LRRC8B: variants seen among roughly 807,000 people sequenced by gnomAD.
LRRC8B encodes volume-regulated anion channel subunit LRRC8B.
In LRRC8B, 23 loss-of-function variants were observed where a neutral mutation model predicts 58.8. The observed-to-expected ratio is 0.39, with a 90% CI of 0.28 to 0.55. The LOEUF (loss-of-function observed/expected upper bound fraction) is 0.55, where lower values mean the gene tolerates loss of function less well. Among genes scored for constraint, LRRC8B ranks in the 20% least tolerant of loss-of-function variants. The probability of loss-of-function intolerance (pLI) is 0.62; values close to 1 mark genes in which losing one functional copy is unlikely to be tolerated. For synonymous variants in LRRC8B, 359 were observed against 374.1 expected (o/e 0.96, Z 0.47); for missense variants, 694 against 936.0 (o/e 0.74, Z 3.37).
intron 1 of LRRC8B, among the ~76,000 whole-genome samples, chr1:89,543,671 T>C (rs1470223707): frequency 6.6e-6 from 1 of 151,538 alleles, no homozygotes; most frequent in Non-Finnish European, 1.5e-5. Flanking sequence ...AATTTTTTTT[T>C]TTTTAGTAGA....
chr1:89,538,726 T>A (rs1429144352), intron 1 of LRRC8B, among the ~76,000 whole-genome samples: 2 of 151,782 alleles, frequency 1.3e-5, no homozygotes, highest in Non-Finnish European at 2.9e-5. Context: ...TTTTTGTTTG[T>A]TTGTTTGTTT....
At chr1:89,586,583 T>C (rs1398513177) in intron 5 of LRRC8B, among the ~76,000 whole-genome samples, 1 of 152,226 alleles carries the variant, frequency 6.6e-6, no homozygotes, top group Non-Finnish European at 1.5e-5. Context: ...TTAGTACTTT[T>C]GACACCAAGT....
At chr1:89,533,238 C>T (rs1650272399) in intron 1 of LRRC8B, among the ~76,000 whole-genome samples, 1 of 152,216 alleles carries the variant, frequency 6.6e-6, no homozygotes, top group South Asian at 2.1e-4. Flanking sequence ...TAATGGCTCC[C>T]TATGCCCCAG....
intron 1 of LRRC8B, among the ~76,000 whole-genome samples, chr1:89,535,327 TC>T (rs1650450063): frequency 1.3e-5 from 2 of 152,004 alleles, no homozygotes; most frequent in Non-Finnish European, 2.9e-5. Flanking sequence ...ATTTAAAGAT[TC>T]CCCCTTGGTG....
intron 1 of LRRC8B, among the ~76,000 whole-genome samples, chr1:89,544,927 G>C (rs1347806953): frequency 1.3e-5 from 2 of 152,180 alleles, no homozygotes; most frequent in Non-Finnish European, 2.9e-5. Context: ...CAATTGGAAA[G>C]TTTTATTTGA....
intron 1 of LRRC8B, among the ~76,000 whole-genome samples, chr1:89,553,988 T>G (rs1437349949): frequency 2.6e-5 from 4 of 152,166 alleles, no homozygotes; most frequent in South Asian, 2.1e-4. Context: ...AATTCCTCTC[T>G]CCTTGTAAAA....
chr1:89,533,584 A>T (rs1650301399), intron 1 of LRRC8B, among the ~76,000 whole-genome samples: 1 of 151,554 alleles, frequency 6.6e-6, no homozygotes, highest in African/African-American at 2.4e-5. Flanking sequence ...TCTGCCTCTC[A>T]CCCCCACAGC....
At chr1:89,568,009 A>G (rs1653168511) in intron 1 of LRRC8B, among the ~76,000 whole-genome samples, 1 of 152,186 alleles carries the variant, frequency 6.6e-6, no homozygotes, top group Non-Finnish European at 1.5e-5. Context: ...AGCAAAAATT[A>G]AAAACTGGAC....
At chr1:89,534,193 C>T (rs550436252) in intron 1 of LRRC8B, among the ~76,000 whole-genome samples, 3 of 152,240 alleles carry the variant, frequency 2.0e-5, no homozygotes, top group Admixed American at 6.5e-5. Flanking sequence ...GACTTGTTCT[C>T]ATATATTTTT....
At chr1:89,538,267 G>C (rs12408789) in intron 1 of LRRC8B, among the ~76,000 whole-genome samples, 26,734 of 152,166 alleles carry the variant, frequency 0.18, 2,941 homozygotes, top group Admixed American at 0.29. Context: ...GGTGGCAGGA[G>C]AGAAAAAAAG....
At chr1:89,571,737 G>C (rs758012372) in intron 3 of LRRC8B, among the ~76,000 whole-genome samples, 21 of 152,100 alleles carry the variant, frequency 1.4e-4, no homozygotes, top group Non-Finnish European at 2.5e-4. Context: ...AACAGGAGTG[G>C]TGAGAGAGGG....
chr1:89,547,859 A>T (rs1445697056), intron 1 of LRRC8B, among the ~76,000 whole-genome samples: 4 of 152,336 alleles, frequency 2.6e-5, no homozygotes, highest in African/African-American at 9.6e-5. Flanking sequence ...TCCTGTTTGC[A>T]AAACCAGTTG....
In LRRC8B at chr1:89,563,074, C is replaced by G. The variant is rs370822365; in HGVS notation, c.-240-5173C>G. On this transcript the variant is annotated intron_variant, in intron 1 of 5. Coordinates refer to ENST00000330947, the MANE Select transcript of LRRC8B (RefSeq NM_001369817.2). Reference sequence around the variant, plus strand: ...GGTATGTTTTCTAGTATATTGAGACCAACAATATATTTAATTTGTGTAACT... The same window carrying G: ...GGTATGTTTTCTAGTATATTGAGACGAACAATATATTTAATTTGTGTAACT... Among the ~76,000 whole-genome samples, 15 of 151,862 alleles carry G rather than the reference C, an allele frequency of 9.9e-5. No homozygotes were observed. In the South Asian group the frequency reaches 3.1e-3, roughly 32 times the overall value.
At chr1:89,563,565 C>A (rs1482017514) in intron 1 of LRRC8B, among the ~76,000 whole-genome samples, 1 of 152,092 alleles carries the variant, frequency 6.6e-6, no homozygotes, top group Non-Finnish European at 1.5e-5. Context: ...TGAGAACTGG[C>A]ATGGAAATCA....
At chr1:89,565,774 G>A (rs1652999195) in intron 1 of LRRC8B, among the ~76,000 whole-genome samples, 2 of 152,116 alleles carry the variant, frequency 1.3e-5, no homozygotes, top group African/African-American at 2.4e-5. Context: ...CACGGGAGTG[G>A]GCTCATCACC....
intron 1 of LRRC8B, among the ~76,000 whole-genome samples, chr1:89,545,511 A>G (rs974344891): frequency 2.0e-5 from 3 of 152,326 alleles, no homozygotes; most frequent in Middle Eastern, 3.4e-3. Context: ...CTGTGTCTGC[A>G]TGCCCTGTCC....
At position 89,594,921 on chromosome 1, in the gene LRRC8B, G is replaced by A. The variant is rs1234180765; in HGVS notation, c.*1878G>A. 6.6e-6 allele frequency: 1 copy of A among 152,096 alleles called. No individual in the cohort carries two copies. Among genetic ancestry groups the A allele is most frequent in the African/African-American group, 2.4e-5 (1 of 41,416 alleles). The allele number at this position is 152,096 out of a possible 1,614,324, so 9.4% of individuals were successfully genotyped here. A position where few individuals can be genotyped will look rare whatever the true frequency, so the allele number is the denominator to read the frequency against. On this transcript the variant is annotated 3_prime_UTR_variant, in exon 6 of 6. Transcript: ENST00000330947. ...CTGTGTATATGGAATTGTGGTGCGT[G>A]GTATGTGTTTTCTCTTGCTTTGTTC...
intron 5 of LRRC8B, among the ~76,000 whole-genome samples, chr1:89,589,359 G>A (rs1654833048): frequency 6.6e-6 from 1 of 152,110 alleles, no homozygotes; most frequent in Non-Finnish European, 1.5e-5. Context: ...GGGGTACAGT[G>A]GTATATGTGG....
chr1:89,557,805 A>G (rs1557604012), intron 1 of LRRC8B, among the ~76,000 whole-genome samples: 2 of 152,210 alleles, frequency 1.3e-5, no homozygotes, highest in Admixed American at 6.5e-5. Context: ...TTCCCCTGCT[A>G]CGGCTTGGGG....
Sources: allele counts gnomAD v4.1 joint callset (sites outside exome capture counted in the v4.1 genomes callset), GRCh38; gene constraint gnomAD v4.1.1; transcripts MANE v1.5; gene names NCBI Gene and HGNC (gene_info 2026-07-23, HGNC 2026-07-21).